The following MACROD2 variants were observed in gnomAD, a reference collection of about 807,000 sequenced individuals.
The protein encoded by MACROD2 is ADP-ribose glycohydrolase MACROD2.
MACROD2 carries 36 observed loss-of-function variants against 70.4 expected under a neutral mutation model. The ratio of observed to expected loss-of-function variants is 0.51; its 90% CI spans 0.39 to 0.68. The LOEUF is 0.68. Ranked by LOEUF, MACROD2 falls within the 30% of genes least tolerant of loss-of-function variation. The pLI is 0.00. For missense variants in MACROD2, 496 were observed against 538.4 expected (o/e 0.92, Z 0.78); for synonymous variants, 172 against 178.8 (o/e 0.96, Z 0.30).
At chr20:15,975,719 A>C (rs1232102611) in intron 13 of MACROD2, among the ~76,000 whole-genome samples, 1 of 152,230 alleles carries the variant, frequency 6.6e-6, no homozygotes, top group Admixed American at 6.5e-5. Flanking sequence ...AAAACTGGCT[A>C]TCCCTTAGTT....
chr20:15,181,339 A>G (rs1292561290), intron 5 of MACROD2, among the ~76,000 whole-genome samples: 1 of 152,222 alleles, frequency 6.6e-6, no homozygotes. Flanking sequence ...TAATGCTGCA[A>G]TAGGTATCTT....
chr20:15,939,113 G>A (rs958117364), intron 12 of MACROD2, among the ~76,000 whole-genome samples: 1 of 152,190 alleles, frequency 6.6e-6, no homozygotes, highest in Non-Finnish European at 1.5e-5. Flanking sequence ...TAATGTGCAA[G>A]GTGAAGCAGC....
rs538202410 is a variant in MACROD2 at position 14,858,100 on chromosome 20, C to T, written c.418+173141C>T. On this transcript the variant is annotated intron_variant, in intron 5 of 17. Coordinates refer to ENST00000684519, the MANE Select transcript of MACROD2 (RefSeq NM_001351661.2). ...CCCTCCAAAGTGCTGGGATTACAGG[C>T]GTGAGCCACAGTGCCTGGCCGAGGA... Among the ~76,000 whole-genome samples the T allele has an allele frequency of 4.6e-5, 7 of 152,262 alleles. No homozygotes were observed. In the East Asian group the frequency reaches 7.7e-4, roughly 17 times the overall value.
intron 5 of MACROD2, among the ~76,000 whole-genome samples, chr20:14,979,880 T>G (rs1051023046): frequency 6.6e-6 from 1 of 152,210 alleles, no homozygotes; most frequent in Non-Finnish European, 1.5e-5. Flanking sequence ...GGTGTTGATA[T>G]GTCCTTAAAA....
chr20:16,002,376 C>A (rs532620637), intron 15 of MACROD2, among the ~76,000 whole-genome samples: 2 of 152,244 alleles, frequency 1.3e-5, no homozygotes, highest in East Asian at 3.9e-4. Context: ...AGAGACGATG[C>A]TGATGTAATT....
At chr20:15,258,666 A>G (rs1470141694) in intron 6 of MACROD2, among the ~76,000 whole-genome samples, 1 of 152,078 alleles carries the variant, frequency 6.6e-6, no homozygotes, top group Non-Finnish European at 1.5e-5. Context: ...CTGAGAACAT[A>G]TCCCCATCAT....
intron 10 of MACROD2, among the ~76,000 whole-genome samples, chr20:15,932,979 T>C (rs562343708): frequency 6.6e-6 from 1 of 152,308 alleles, no homozygotes; most frequent in South Asian, 2.1e-4. Context: ...GAAGTTTCTA[T>C]TATATTTTGG....
At chr20:14,896,306 TAAATA>T (rs2073828711) in intron 5 of MACROD2, among the ~76,000 whole-genome samples, 1 of 151,830 alleles carries the variant, frequency 6.6e-6, no homozygotes, top group Admixed American at 6.6e-5. Context: ...AAAAAATAAA[TAAATA>T]AAATTAAAAA....
intron 4 of MACROD2, among the ~76,000 whole-genome samples, chr20:14,643,873 G>T (rs189707746): frequency 6.6e-6 from 1 of 152,266 alleles, no homozygotes; most frequent in East Asian, 1.9e-4. Flanking sequence ...TAAATGAATG[G>T]ATAGTTGGAT....
intron 3 of MACROD2, among the ~76,000 whole-genome samples, chr20:14,215,575 A>C (rs1430238214): frequency 6.6e-6 from 1 of 152,048 alleles, no homozygotes; most frequent in African/African-American, 2.4e-5. Flanking sequence ...TACTTCTCTA[A>C]GGGATCTCCA....
At chr20:15,589,351 T>G (rs2048646869) in intron 8 of MACROD2, among the ~76,000 whole-genome samples, 1 of 152,170 alleles carries the variant, frequency 6.6e-6, no homozygotes, top group Admixed American at 6.5e-5. Context: ...AATATAAATT[T>G]TATAAAATTT....
At position 15,209,961 on chromosome 20, in the gene MACROD2, A is replaced by G. The variant is rs529092617; in HGVS notation, c.419-19979A>G. The stretch of plus-strand genomic sequence containing the variant: ...TGTAAAATAAAACATTGTGCTTTCT[A>G]TGGAGACTCTTTGTAATTCTATTCC... On this transcript the variant is annotated intron_variant, in intron 5 of 17. Coordinates refer to ENST00000684519, the MANE Select transcript of MACROD2 (RefSeq NM_001351661.2). 4.6e-5 allele frequency among the ~76,000 whole-genome samples: 7 copies of G among 152,306 alleles called. No individual in the cohort carries two copies. In the East Asian group the frequency reaches 1.2e-3, roughly 25 times the overall value.
At chr20:14,258,251 C>T (rs1001762597) in intron 3 of MACROD2, among the ~76,000 whole-genome samples, 2 of 152,120 alleles carry the variant, frequency 1.3e-5, no homozygotes, top group Non-Finnish European at 2.9e-5. Context: ...GGTAGATGCC[C>T]AGTAGTGGGA....
chr20:14,862,213 A>ATATAAATATATATAAATATATATT (rs1568839553), intron 5 of MACROD2, among the ~76,000 whole-genome samples: 2 of 3,646 alleles, frequency 5.5e-4, no homozygotes, highest in African/African-American at 8.5e-4. Flanking sequence ...ATAAATATAT[A>ATATAAATATATATAAATATATATT]TATATATAAA....
intron 8 of MACROD2, among the ~76,000 whole-genome samples, chr20:15,717,093 G>A (rs1348857257): frequency 1.3e-5 from 2 of 152,144 alleles, no homozygotes; most frequent in Non-Finnish European, 2.9e-5. Flanking sequence ...TATATCCTCT[G>A]AAATAATTAC....
intron 2 of MACROD2, among the ~76,000 whole-genome samples, chr20:14,075,286 C>T (rs2053903287): frequency 2.0e-5 from 3 of 152,130 alleles, no homozygotes. Flanking sequence ...AAAATTACAG[C>T]CACTATGAAT....
intron 13 of MACROD2, among the ~76,000 whole-genome samples, chr20:15,974,185 G>A (rs2066271906): frequency 6.6e-6 from 1 of 152,052 alleles, no homozygotes; most frequent in South Asian, 2.1e-4. Context: ...TCAATCAATG[G>A]CATTAAAACA....
At chr20:15,825,433 T>C (rs569779625) in intron 8 of MACROD2, among the ~76,000 whole-genome samples, 9 of 152,158 alleles carry the variant, frequency 5.9e-5, no homozygotes, top group South Asian at 2.1e-4. Flanking sequence ...TTGAGACCCA[T>C]TGAGACCCAA....
intron 5 of MACROD2, among the ~76,000 whole-genome samples, chr20:15,129,781 T>C (rs1024567550): frequency 6.6e-6 from 1 of 152,210 alleles, no homozygotes; most frequent in South Asian, 2.1e-4. Flanking sequence ...ATGGGCTTGG[T>C]GAAACAGATG....
Sources: allele counts gnomAD v4.1 joint callset (sites outside exome capture counted in the v4.1 genomes callset), GRCh38; gene constraint gnomAD v4.1.1; transcripts MANE v1.5; gene names NCBI Gene and HGNC (gene_info 2026-07-23, HGNC 2026-07-21).